The following TET1 variants were observed in gnomAD, a reference collection of about 807,000 sequenced individuals.
TET1 encodes the protein tet methylcytosine dioxygenase 1.
TET1 carries 13 observed loss-of-function variants against 148.7 expected under a neutral mutation model. The ratio of observed to expected loss-of-function variants is 0.09; its 90% CI spans 0.06 to 0.14. The LOEUF (loss-of-function observed/expected upper bound fraction) is 0.14, where lower values mean the gene tolerates loss of function less well. Among genes scored for constraint, TET1 ranks in the 10% least tolerant of loss-of-function variants. The pLI is 1.00. For synonymous variants in TET1, 907 were observed against 937.2 expected, an observed-to-expected ratio of 0.97 and a Z score of 0.59; for missense variants, 2,182 against 2,553.8, an observed-to-expected ratio of 0.85 and a Z score of 3.14.
At chr10:68,655,623 A>C (rs2055010166) in intron 6 of TET1, among the ~76,000 whole-genome samples, 1 of 152,210 alleles carries the variant, frequency 6.6e-6, no homozygotes, top group Admixed American at 6.5e-5. Context: ...AATAATAATG[A>C]CAGTGATATA....
At chr10:68,688,937 T>C (rs78677923) in intron 11 of TET1, among the ~76,000 whole-genome samples, 3,627 of 152,342 alleles carry the variant, frequency 0.024, 146 homozygotes, top group African/African-American at 0.083. Flanking sequence ...TATTTGTTTT[T>C]ATAACATGAG....
chr10:68,639,541 T>G (rs573838055), intron 3 of TET1, among the ~76,000 whole-genome samples: 85 of 152,094 alleles, frequency 5.6e-4, no homozygotes, highest in South Asian at 1.2e-3. Context: ...CACACTGGGC[T>G]CACTGGAACC....
Position 68,561,208 on chromosome 10 carries a change from C to T in TET1, c.-123+466C>T, listed in dbSNP as rs901148439. 9.2e-5 allele frequency among the ~76,000 whole-genome samples: 14 copies of T among 152,006 alleles called. 1 individual carries two copies. The highest frequency in any genetic ancestry group is 1.8e-4 in the Non-Finnish European group (12 of 67,984). On this transcript the variant is annotated intron_variant, in intron 1 of 11. Transcript: ENST00000373644. ...TCTGTGCAAGTTGTGAGTGGGGAGT[C>T]CGGGCTGTCCCGTGCTCAAGCGTAC...
In TET1 at chr10:68,686,614, A is replaced by C; in HGVS notation, c.5311A>C (p.Arg1771=). ...GACAGAGGTTCTTGCACATAAGATA[A>C]GGGCAGTGGAAAAGAAACCTATTCC... The part of the protein sequence containing the change: ...MMTEVLAHKI[R]AVEKKPIPRI... The change falls in exon 11 of 12, where the codon AGG becomes CGG. Residue 1771 remains arginine, a synonymous_variant. Coordinates refer to ENST00000373644, the MANE Select transcript of TET1 (RefSeq NM_030625.3). 1 of 1,614,202 alleles carries C rather than the reference A, an allele frequency of 6.2e-7. No individual in the cohort carries two copies. The highest frequency in any genetic ancestry group is 2.2e-5 in the East Asian group (1 of 44,882).
At chr10:68,580,782 CAAAAAAAAA>C (rs71483915) in intron 2 of TET1, among the ~76,000 whole-genome samples, 206 of 95,290 alleles carry the variant, frequency 2.2e-3, no homozygotes, top group African/African-American at 8.1e-3. Context: ...AACTCCATCT[CAAAAAAAAA>C]AAAAAAAAAA....
intron 1 of TET1, among the ~76,000 whole-genome samples, chr10:68,561,605 G>A (rs1490104061): frequency 6.6e-6 from 1 of 152,056 alleles, no homozygotes; most frequent in African/African-American, 2.4e-5. Context: ...GCACGTGAGG[G>A]GCCTGGTCCT....
chr10:68,678,886 A>G (rs1052545854), intron 8 of TET1, among the ~76,000 whole-genome samples: 2 of 152,014 alleles, frequency 1.3e-5, no homozygotes, highest in Non-Finnish European at 2.9e-5. Context: ...GTAAAATAAT[A>G]CTAATAGGGC....
chr10:68,669,495 A>AT (rs1256376672), intron 7 of TET1, among the ~76,000 whole-genome samples: 3 of 46,766 alleles, frequency 6.4e-5, no homozygotes, highest in Admixed American at 2.3e-4. Context: ...TTTTTTTTGT[A>AT]TTTTTTTGTA....
intron 2 of TET1, among the ~76,000 whole-genome samples, chr10:68,575,703 A>T (rs2053721353): frequency 4.0e-5 from 1 of 24,894 alleles, no homozygotes; most frequent in Admixed American, 3.9e-4. Context: ...ACTCCATCTC[A>T]AATAAATAAA....
rs62638665 is a variant in TET1 at position 68,690,929 on chromosome 10, A to C, written c.5526A>C (p.Lys1842Asn). 8 of 1,614,084 alleles carry C rather than the reference A, an allele frequency of 5.0e-6. No individual in the cohort carries two copies. ...TGCCATCCGCTCCTCACCCAGTGAA[A>C]GAGGCATCTCCAGGCTTCTCCTGGT... is the stretch of plus-strand genomic sequence containing the variant. Reference protein sequence around the residue: ...SLMPSAPHPVKEASPGFSWSP... With the variant: ...SLMPSAPHPVNEASPGFSWSP... Residue 1842 changes from lysine (K) to asparagine (N), a missense_variant, in exon 12 of 12, where the codon AAA (lysine) becomes AAC (asparagine). By Grantham distance (94) the Lys-to-Asn change is moderately conservative. This residue lies in a region of TET1 where 380 missense variants were observed against 387.9 expected (regional missense o/e 0.98). Coordinates refer to ENST00000373644, the MANE Select transcript of TET1 (RefSeq NM_030625.3).
chr10:68,609,742 A>G (rs2054179809), intron 3 of TET1, among the ~76,000 whole-genome samples: 2 of 151,996 alleles, frequency 1.3e-5, no homozygotes, highest in Non-Finnish European at 2.9e-5. Flanking sequence ...TGGTTATTTT[A>G]TATATATATA....
intron 3 of TET1, among the ~76,000 whole-genome samples, chr10:68,635,091 C>T (rs1039180456): frequency 6.7e-6 from 1 of 148,554 alleles, no homozygotes; most frequent in Non-Finnish European, 1.5e-5. Context: ...CCATGCCTGG[C>T]GCAATATATA....
chr10:68,636,979 CGTTGTGTGTGTGTGT>C (rs1259096681), intron 3 of TET1, among the ~76,000 whole-genome samples: 1 of 115,066 alleles, frequency 8.7e-6, no homozygotes. Flanking sequence ...TTATTTTACT[CGTTGTGTGTGTGTGT>C]GTGTGTGTGT....
chr10:68,648,750 C>T (rs1315759421), intron 4 of TET1, among the ~76,000 whole-genome samples: 1 of 152,168 alleles, frequency 6.6e-6, no homozygotes, highest in African/African-American at 2.4e-5. Flanking sequence ...CATTTCTCTG[C>T]TCATTGTTCA....
Position 68,573,550 on chromosome 10 carries a change from C to T in TET1, c.1212C>T (p.Val404=). The change falls in exon 2 of 12, where the codon GTC becomes GTT. Residue 404 remains valine (V), a synonymous_variant. Transcript: ENST00000373644. The stretch of plus-strand genomic sequence containing the variant: ...CAGAGATTCCTGGTGCTATTCCAGT[C>T]CAAGGAGAGGTCTTTGGTACTATTT... The part of the protein sequence containing the change: ...DLPEIPGAIP[V]QGEVFGTILD... 1 of 1,614,144 alleles carries T rather than the reference C, an allele frequency of 6.2e-7. No individual in the cohort carries two copies. The highest frequency in any genetic ancestry group is 8.5e-7 in the Non-Finnish European group (1 of 1,180,030).
intron 2 of TET1, among the ~76,000 whole-genome samples, chr10:68,597,504 C>T (rs2054002634): frequency 5.3e-5 from 8 of 152,188 alleles, no homozygotes; most frequent in Admixed American, 4.6e-4. Context: ...TGTAGGACTA[C>T]CCTTGTGCAA....
chr10:68,690,789 A>G lies in TET1; in HGVS notation c.5405-19A>G, dbSNP rs771452183. 6 of 1,551,602 alleles carry G rather than the reference A, an allele frequency of 3.9e-6. No homozygotes were observed. Among genetic ancestry groups the G allele is most frequent in the Non-Finnish European group, 4.4e-6 (5 of 1,148,290 alleles). The stretch of plus-strand genomic sequence containing the variant: ...AAAAGTAATTTGTATTTTTCTTCAC[A>G]TTTGGTGTCCTTGTTTAGGGAGTAA... On this transcript the variant is annotated intron_variant, in intron 11 of 11. Coordinates refer to ENST00000373644, the MANE Select transcript of TET1 (RefSeq NM_030625.3).
intron 3 of TET1, among the ~76,000 whole-genome samples, chr10:68,633,988 G>A (rs116233053): frequency 0.016 from 2,419 of 152,170 alleles, 59 homozygotes; most frequent in African/African-American, 0.055. Context: ...GGGCTCAAGC[G>A]ATTCTCCTGC....
Position 68,573,520 on chromosome 10 carries a change from T to C in TET1, c.1182T>C (p.Asp394=), listed in dbSNP as rs777059343. Reference sequence around the variant, plus strand: ...GTGAGGCCCTGGGTGAGACCCCAGATCTACCAGAGATTCCTGGTGCTATTC... The same window carrying C: ...GTGAGGCCCTGGGTGAGACCCCAGACCTACCAGAGATTCCTGGTGCTATTC... ...VHGEALGETP[D]LPEIPGAIPV... is the part of the protein sequence containing the mutation. The change falls in exon 2 of 12, where the codon GAT becomes GAC. Residue 394 remains aspartate, a synonymous_variant. Coordinates refer to ENST00000373644, the MANE Select transcript of TET1 (RefSeq NM_030625.3). 3 of 1,614,220 alleles carry C rather than the reference T, an allele frequency of 1.9e-6. No individual in the cohort carries two copies. The highest frequency in any genetic ancestry group is 4.5e-5 in the East Asian group (2 of 44,884).
Sources: allele counts gnomAD v4.1 joint callset (sites outside exome capture counted in the v4.1 genomes callset), GRCh38; gene constraint gnomAD v4.1.1; regional missense constraint gnomAD v4.1.1; transcripts MANE v1.5; gene names NCBI Gene and HGNC (gene_info 2026-07-23, HGNC 2026-07-21).